KANK1: variants seen among roughly 807,000 people sequenced by gnomAD.
The protein encoded by KANK1 is KN motif and ankyrin repeat domains 1, also known as KN motif and ankyrin repeat domain-containing protein 1.
Under a neutral mutation model 106.2 loss-of-function variants are expected in KANK1, and 109 were observed. The ratio of observed to expected loss-of-function variants is 1.03; its 90% CI spans 0.88 to 1.20. KANK1 has a LOEUF of 1.20. Among genes scored for constraint, KANK1 ranks in the 50% most tolerant of loss-of-function variants. The pLI is 0.00. For missense variants in KANK1, 2,399 were observed against 1,710.7 expected (o/e 1.40, Z -7.10); for synonymous variants, 873 against 652.2 (o/e 1.34, Z -5.16).
chr9:485,896 A>AAG (rs1026850799), intron 3 of KANK1, among the ~76,000 whole-genome samples: 1 of 146,688 alleles, frequency 6.8e-6, no homozygotes, highest in South Asian at 2.1e-4. Context: ...AGAAAAGAAA[A>AAG]AGAGAGAGAG....
At chr9:734,872 C>T (rs539959932) in intron 7 of KANK1, 37 bp downstream of exon 7, 1 of 1,470,830 alleles carries the variant, frequency 6.8e-7, no homozygotes, top group African/African-American at 1.4e-5. Context: ...CCAGTGTGTA[C>T]AAAGTGCATG....
chr9:718,097 C>T (rs575260772), intron 3 of KANK1, among the ~76,000 whole-genome samples: 5 of 152,222 alleles, frequency 3.3e-5, no homozygotes, highest in Non-Finnish European at 5.9e-5. Context: ...GTAGTTTTCT[C>T]CTCGTTCAAA....
At chr9:639,910 G>T (rs1415598577) in intron 1 of KANK1, among the ~76,000 whole-genome samples, 2 of 152,078 alleles carry the variant, frequency 1.3e-5, no homozygotes, top group South Asian at 4.1e-4. Context: ...CAAACCCTTT[G>T]TAAGGGCACT....
chr9:569,735 T>A (rs1818699375), intron 1 of KANK1, among the ~76,000 whole-genome samples: 2 of 152,234 alleles, frequency 1.3e-5, no homozygotes, highest in South Asian at 4.1e-4. Context: ...GGTTGGCTTT[T>A]CAAGGAAGCT....
At chr9:530,062 GTTTGTA>G (rs1269927430) in intron 1 of KANK1, among the ~76,000 whole-genome samples, 6 of 152,164 alleles carry the variant, frequency 3.9e-5, no homozygotes, top group South Asian at 2.1e-4. Context: ...TATAAGAGCT[GTTTGTA>G]TTTGTGTTTC....
intron 2 of KANK1, among the ~76,000 whole-genome samples, chr9:710,220 T>C (rs1482432381): frequency 1.3e-5 from 2 of 152,196 alleles, no homozygotes; most frequent in Non-Finnish European, 2.9e-5. Context: ...TTTTAAAAAA[T>C]AATACAATCA....
intron 2 of KANK1, among the ~76,000 whole-genome samples, chr9:691,613 T>TTTTTTC (rs113286307): frequency 0.041 from 1,349 of 33,036 alleles, 56 homozygotes; most frequent in African/African-American, 0.086. Flanking sequence ...ATACCAGAAT[T>TTTTTTC]TTTTTTTTTT....
Position 631,999 on chromosome 9 carries a change from C to A in KANK1, c.-83-44891C>A, listed in dbSNP as rs139471418. 3.3e-5 allele frequency among the ~76,000 whole-genome samples: 5 copies of A among 152,318 alleles called. No individual in the cohort carries two copies. The East Asian group carries it at 9.6e-4, about 29-fold the overall frequency. On this transcript the variant is annotated intron_variant, in intron 1 of 11. Coordinates refer to ENST00000382297, the MANE Select transcript of KANK1 (RefSeq NM_015158.5). Reference sequence around the variant, plus strand: ...CAGTATGCCATGATAACTTCTCTTCCATCATTCTGTATTGCATGAGTACAA... The same window carrying A: ...CAGTATGCCATGATAACTTCTCTTCAATCATTCTGTATTGCATGAGTACAA...
rs574061857 is a variant in KANK1, at chr9:566,473, C to G, written c.-84+61719C>G. Among the ~76,000 whole-genome samples the G allele has an allele frequency of 5.3e-5, 8 of 152,286 alleles. No individual in the cohort carries two copies. In the East Asian group the frequency reaches 1.5e-3, roughly 29 times the overall value. On this transcript the variant is annotated intron_variant, in intron 1 of 11. Coordinates refer to ENST00000382297, the MANE Select transcript of KANK1 (RefSeq NM_015158.5). ...TGGTTGAACTAATTTATACTTCCAC[C>G]AATACTGTGTAAATGTTCCTTTTTC...
chr9:619,850 G>A (rs576110271), intron 1 of KANK1, among the ~76,000 whole-genome samples: 8 of 151,900 alleles, frequency 5.3e-5, no homozygotes, highest in African/African-American at 9.7e-5. Context: ...AAATTCTTTC[G>A]TTGTGGCTGG....
intron 1 of KANK1, among the ~76,000 whole-genome samples, chr9:624,204 T>C (rs926206392): frequency 1.3e-5 from 2 of 152,066 alleles, no homozygotes; most frequent in African/African-American, 2.4e-5. Flanking sequence ...AAGAGTAGAA[T>C]GGTGATTGTC....
chr9:600,688 A>G (rs955253161), intron 1 of KANK1, among the ~76,000 whole-genome samples: 6 of 151,724 alleles, frequency 4.0e-5, no homozygotes, highest in East Asian at 1.9e-4. Flanking sequence ...CTCATGCCCA[A>G]CATAACTTTC....
chr9:552,298 G>A (rs115164095), intron 1 of KANK1, among the ~76,000 whole-genome samples: 502 of 152,268 alleles, frequency 3.3e-3, no homozygotes, highest in African/African-American at 0.011. Context: ...GAAAGTAGAA[G>A]CAAGAAGACC....
chr9:508,129 T>C, intron 1 of KANK1, among the ~76,000 whole-genome samples: 1 of 84,568 alleles, frequency 1.2e-5, no homozygotes, highest in East Asian at 2.3e-4. Context: ...GCCTTTTTTT[T>C]TTTTTTTTTT....
At chr9:530,242 C>A (rs1283239937) in intron 1 of KANK1, among the ~76,000 whole-genome samples, 1 of 152,108 alleles carries the variant, frequency 6.6e-6, no homozygotes, top group African/African-American at 2.4e-5. Flanking sequence ...AATTTATTAG[C>A]AGCTTATTTT....
chr9:652,088 G>C (rs1283735302), intron 1 of KANK1, among the ~76,000 whole-genome samples: 1 of 152,106 alleles, frequency 6.6e-6, no homozygotes, highest in African/African-American at 2.4e-5. Context: ...TTATCCATTA[G>C]AATGTGTAGG....
chr9:726,356 A>G (rs1055422555), intron 3 of KANK1, among the ~76,000 whole-genome samples: 7 of 152,198 alleles, frequency 4.6e-5, no homozygotes, highest in Non-Finnish European at 1.0e-4. Flanking sequence ...TTGAACTGAG[A>G]GGCCAGGCAC....
Position 586,117 on chromosome 9 carries a change from G to T in KANK1, c.-84+81363G>T, listed in dbSNP as rs1291762240. 2.0e-5 allele frequency among the ~76,000 whole-genome samples: 3 copies of T among 152,162 alleles called. 1 individual carries two copies. The highest frequency in any genetic ancestry group is 4.4e-5 in the Non-Finnish European group (3 of 68,020). On this transcript the variant is annotated intron_variant, in intron 1 of 11. Coordinates refer to ENST00000382297, the MANE Select transcript of KANK1 (RefSeq NM_015158.5). The stretch of plus-strand genomic sequence containing the variant: ...CATTATTATTTTACAGCAAGCTTTG[G>T]AGTAGATGTACTAGTTCCCATTTTA...
At chr9:634,445 G>C (rs1257416259) in intron 1 of KANK1, among the ~76,000 whole-genome samples, 1 of 152,168 alleles carries the variant, frequency 6.6e-6, no homozygotes, top group Non-Finnish European at 1.5e-5. Flanking sequence ...AGGTTCTATA[G>C]TAGTGATGTT....
Sources: gnomAD v4.1 joint callset for allele counts (sites outside exome capture counted in the v4.1 genomes callset) on GRCh38, gnomAD v4.1.1 for gene constraint, MANE v1.5 for transcripts, NCBI Gene and HGNC (gene_info 2026-07-23, HGNC 2026-07-21) for gene names.